BMAL1: variants seen among roughly 807,000 people sequenced by gnomAD.
BMAL1 encodes basic helix-loop-helix ARNT-like protein 1.
chr11:13,354,319 A>G, the BMAL1 span: 1 of 1,606,916 alleles, frequency 6.2e-7, no homozygotes, highest in Non-Finnish European at 8.5e-7. Flanking sequence ...ATGGCAGACC[A>G]GAGAATGGAC....
the BMAL1 span, among the ~76,000 whole-genome samples, chr11:13,347,612 C>T: frequency 4.6e-5 from 7 of 151,904 alleles, no homozygotes; most frequent in Admixed American, 2.0e-4. Flanking sequence ...TTTGAGAGGC[C>T]GAGATGGGCG....
the BMAL1 span, among the ~76,000 whole-genome samples, chr11:13,381,590 C>T: frequency 6.6e-6 from 1 of 152,176 alleles, no homozygotes; most frequent in Non-Finnish European, 1.5e-5. Flanking sequence ...TTCTCATTTT[C>T]TGCCAGGAAT....
At chr11:13,385,773 G>C in the BMAL1 span, 1 of 1,611,958 alleles carries the variant, frequency 6.2e-7, no homozygotes, top group Non-Finnish European at 8.5e-7. Context: ...TCCATATTCT[G>C]ATAGTTCTTC....
the BMAL1 span, among the ~76,000 whole-genome samples, chr11:13,341,932 G>A: frequency 6.6e-6 from 1 of 152,254 alleles, no homozygotes; most frequent in African/African-American, 2.4e-5. Context: ...GAGAGCTTTG[G>A]CCTCGCCAGC....
the BMAL1 span, among the ~76,000 whole-genome samples, chr11:13,322,293 C>G: frequency 1.3e-5 from 2 of 152,128 alleles, no homozygotes; most frequent in Non-Finnish European, 2.9e-5. Flanking sequence ...AACCAAAACA[C>G]CTTCATTAGG....
chr11:13,279,397 C>T, the BMAL1 span, among the ~76,000 whole-genome samples: 1 of 152,146 alleles, frequency 6.6e-6, no homozygotes, highest in Non-Finnish European at 1.5e-5. Context: ...GTTGTTCACC[C>T]CTTTAATCTA....
chr11:13,322,934 G>A, the BMAL1 span, among the ~76,000 whole-genome samples: 1 of 151,344 alleles, frequency 6.6e-6, no homozygotes, highest in Admixed American at 6.6e-5. Flanking sequence ...GGAACTACAG[G>A]TATGTGCCAC....
At chr11:13,360,451 C>A in the BMAL1 span, 1 of 1,593,776 alleles carries the variant, frequency 6.3e-7, no homozygotes, top group African/African-American at 1.3e-5. Flanking sequence ...GATTGTTTTA[C>A]AACGTTTGTT....
At chr11:13,369,780 C>T in the BMAL1 span, 6 of 1,608,180 alleles carry the variant, frequency 3.7e-6, no homozygotes, top group Non-Finnish European at 5.1e-6. Context: ...AACAATTTAA[C>T]AGTCCATTAA....
At chr11:13,282,866 T>C in the BMAL1 span, among the ~76,000 whole-genome samples, 1 of 152,058 alleles carries the variant, frequency 6.6e-6, no homozygotes, top group Non-Finnish European at 1.5e-5. Context: ...ATTGATCTTG[T>C]GGAGGAGGAG....
chr11:13,378,489 A>G, the BMAL1 span: 1 of 1,572,648 alleles, frequency 6.4e-7, no homozygotes, highest in Non-Finnish European at 8.6e-7. Flanking sequence ...AGTGGTTCTC[A>G]ACCCAGGGAA....
At chr11:13,373,742 C>A in the BMAL1 span, among the ~76,000 whole-genome samples, 1 of 152,170 alleles carries the variant, frequency 6.6e-6, no homozygotes, top group South Asian at 2.1e-4. Flanking sequence ...TTCCTGAGCT[C>A]AGACAATCTG....
chr11:13,378,869 G>A, the BMAL1 span: 1 of 160,994 alleles, frequency 6.2e-6, no homozygotes, highest in Non-Finnish European at 1.3e-5. Context: ...GAGTGATCTG[G>A]ACCTTAACAA....
At chr11:13,347,183 A>G in the BMAL1 span, among the ~76,000 whole-genome samples, 1 of 152,036 alleles carries the variant, frequency 6.6e-6, no homozygotes, top group African/African-American at 2.4e-5. Flanking sequence ...GCTTGAGTCC[A>G]GGAGTCTGGG....
chr11:13,313,482 C>T, the BMAL1 span, among the ~76,000 whole-genome samples: 1 of 152,180 alleles, frequency 6.6e-6, no homozygotes, highest in African/African-American at 2.4e-5. Context: ...ATGCGTCTTT[C>T]TCCCTGTGCT....
chr11:13,360,804 C>T, the BMAL1 span, among the ~76,000 whole-genome samples: 1 of 152,152 alleles, frequency 6.6e-6, no homozygotes, highest in East Asian at 1.9e-4. Flanking sequence ...CAAAAAAGTC[C>T]ACCTAAATCT....
chr11:13,340,348 G>A, the BMAL1 span, among the ~76,000 whole-genome samples: 7 of 152,132 alleles, frequency 4.6e-5, no homozygotes, highest in African/African-American at 1.7e-4. Flanking sequence ...TGTGGGCTTC[G>A]TCTCCCTAAG....
chr11:13,376,680 C>T, the BMAL1 span: 1 of 1,614,142 alleles, frequency 6.2e-7, no homozygotes, highest in Non-Finnish European at 8.5e-7. Context: ...CTTCCCACAG[C>T]TCACAGCATC....
the BMAL1 span, chr11:13,354,265 A>G: frequency 6.4e-7 from 1 of 1,550,668 alleles, no homozygotes; most frequent in Non-Finnish European, 8.7e-7. Flanking sequence ...GCTCATCGAA[A>G]TAAACACACC....
Sources: gnomAD v4.1 joint callset for allele counts (sites outside exome capture counted in the v4.1 genomes callset) on GRCh38, gnomAD v4.1.1 for gene constraint, MANE v1.5 for transcripts, NCBI Gene and HGNC (gene_info 2026-07-23, HGNC 2026-07-21) for gene names.